The following WNT9B variants were observed in gnomAD, a reference collection of about 807,000 sequenced individuals.
The protein encoded by WNT9B is Wnt family member 9B.
WNT9B carries 12 observed loss-of-function variants against 30.2 expected under a neutral mutation model. The observed-to-expected ratio is 0.40, with a 90% confidence interval of 0.26 to 0.64. The LOEUF (loss-of-function observed/expected upper bound fraction) is 0.64, where lower values mean the gene tolerates loss of function less well. Among genes scored for constraint, WNT9B ranks in the 30% least tolerant of loss-of-function variants. WNT9B has a pLI of 0.42. For synonymous variants in WNT9B, 218 were observed against 216.9 expected, an observed-to-expected ratio of 1.01 and a Z score of -0.05; for missense variants, 442 against 485.2, an observed-to-expected ratio of 0.91 and a Z score of 0.84.
intron 1 of WNT9B, among the ~76,000 whole-genome samples, chr17:46,861,569 C>G (rs1427730769): frequency 6.6e-6 from 1 of 152,194 alleles, no homozygotes; most frequent in African/African-American, 2.4e-5. Flanking sequence ...AGAGCAGAGA[C>G]TTATCCCCAT....
rs1014956983 is a variant in WNT9B, at chr17:46,877,568, G to T, written c.*850G>T. On this transcript the variant is annotated 3_prime_UTR_variant, in exon 4 of 4. Transcript: ENST00000290015. ...ACGGCCCCTCCCTGTGTTCCCTGCT[G>T]GCCAAAGGAATCTTCACTCCCAGCG... is the stretch of plus-strand genomic sequence containing the variant. Among the ~76,000 whole-genome samples the T allele has an allele frequency of 2.0e-5, 3 of 152,144 alleles. No individual in the cohort carries two copies. Among genetic ancestry groups the T allele is most frequent in the Non-Finnish European group, 4.4e-5 (3 of 68,028 alleles).
intron 1 of WNT9B, among the ~76,000 whole-genome samples, chr17:46,842,215 G>T (rs2084724199): frequency 6.6e-6 from 1 of 152,204 alleles, no homozygotes; most frequent in East Asian, 1.9e-4. Context: ...GTTTCTTCAG[G>T]CGCAAACTGG....
chr17:46,883,346 G>A (rs1296827099), downstream of WNT9B, among the ~76,000 whole-genome samples: 6 of 144,472 alleles, frequency 4.2e-5, no homozygotes, highest in Non-Finnish European at 6.0e-5. Context: ...GTGCAATGGC[G>A]CAATCTTGGC....
rs1319316889 is a variant in WNT9B, at chr17:46,878,118, G to T, written c.*1400G>T. Among the ~76,000 whole-genome samples the T allele has an allele frequency of 2.0e-5, 3 of 152,216 alleles. No individual in the cohort carries two copies. The highest frequency in any genetic ancestry group is 4.8e-5 in the African/African-American group (2 of 41,452). ...TTGTTCAGGATGAAGACCTTGCAGG[G>T]GTCCCCTTGCTGGAGGCATTGTACT... On this transcript the variant is annotated 3_prime_UTR_variant, in exon 4 of 4. Coordinates refer to ENST00000290015, the MANE Select transcript of WNT9B (RefSeq NM_003396.3).
Position 46,872,788 on chromosome 17 carries a change from TA to T in WNT9B, c.334+16del. On this transcript the variant is annotated intron_variant, in intron 2 of 3. Transcript: ENST00000290015. ...GCTCAAGAGAGGTGGGGAGGAGGGCTAGGGGACGGGGAGGGCTGGGGGAAGA... is the reference window on the plus strand; with the variant it reads ...GCTCAAGAGAGGTGGGGAGGAGGGCTGGGGACGGGGAGGGCTGGGGGAAGA... 1 of 1,537,388 alleles carries T rather than the reference TA, an allele frequency of 6.5e-7. No individual in the cohort carries two copies. Among genetic ancestry groups the T allele is most frequent in the Non-Finnish European group, 8.9e-7 (1 of 1,129,388 alleles).
intron 1 of WNT9B, among the ~76,000 whole-genome samples, chr17:46,866,486 G>T (rs555611719): frequency 6.6e-6 from 1 of 152,196 alleles, no homozygotes; most frequent in Non-Finnish European, 1.5e-5. Context: ...GTGTATTTGT[G>T]TGTGTAGGGG....
upstream of WNT9B, among the ~76,000 whole-genome samples, chr17:46,848,932 G>GCACACA (rs60793746): frequency 4.2e-4 from 61 of 146,280 alleles, no homozygotes; most frequent in East Asian, 3.5e-3. Flanking sequence ...GTGTGCACGT[G>GCACACA]CACACACACA....
chr17:46,837,131 T>C (rs971201822), intron 1 of WNT9B, among the ~76,000 whole-genome samples: 5 of 152,036 alleles, frequency 3.3e-5, no homozygotes, highest in South Asian at 2.1e-4. Flanking sequence ...TTAGTAGAGA[T>C]GGGGTTTCAC....
In WNT9B at chr17:46,872,724, T is replaced by C. The variant is rs1310073196; in HGVS notation, c.285T>C (p.His95=). The change falls in exon 2 of 4, where the codon CAT becomes CAC. Residue 95 remains histidine (H), a synonymous_variant. Coordinates refer to ENST00000290015, the MANE Select transcript of WNT9B (RefSeq NM_003396.3). The stretch of plus-strand genomic sequence containing the variant: ...TTGAGTGCCAGTTTCAGTTCCGGCA[T>C]GAGCGCTGGAACTGTAGCCTGGAGG... ...GLLECQFQFR[H]ERWNCSLEGR... is the part of the protein sequence containing the mutation. 9.9e-6 allele frequency: 16 copies of C among 1,610,714 alleles called. No homozygotes were observed. Among genetic ancestry groups the C allele is most frequent in the Non-Finnish European group, 1.4e-5 (16 of 1,179,492 alleles).
Position 46,876,591 on chromosome 17 carries a change from G to T in WNT9B, c.947G>T (p.Cys316Phe). 1 of 1,613,322 alleles carries T rather than the reference G, an allele frequency of 6.2e-7. No homozygotes were observed. The highest frequency in any genetic ancestry group is 8.5e-7 in the Non-Finnish European group (1 of 1,179,782). ...SREASCSSLC[C>F]GRGYDTQSRL... Reference sequence around the variant, plus strand: ...GAGGCCAGCTGCAGCAGCCTGTGCTGCGGGCGGGGCTATGACACCCAGAGC... The same window carrying T: ...GAGGCCAGCTGCAGCAGCCTGTGCTTCGGGCGGGGCTATGACACCCAGAGC... Residue 316 changes from cysteine (C) to phenylalanine (F), a missense_variant, in exon 4 of 4, where the codon TGC (cysteine) becomes TTC (phenylalanine). Cys to Phe is a radical substitution (Grantham distance 205). Transcript: ENST00000290015.
chr17:46,860,595 A>G (rs146995955), intron 1 of WNT9B, among the ~76,000 whole-genome samples: 44 of 152,350 alleles, frequency 2.9e-4, no homozygotes, highest in African/African-American at 5.8e-4. Context: ...AGTTAAATGA[A>G]TGTATATATA....
intron 1 of WNT9B, among the ~76,000 whole-genome samples, chr17:46,860,744 C>G (rs1161666714): frequency 6.6e-6 from 1 of 152,220 alleles, no homozygotes; most frequent in Admixed American, 6.5e-5. Flanking sequence ...CTGTACAATT[C>G]AGAACAAACC....
chr17:46,854,031 C>T (rs999319915), intron 1 of WNT9B, among the ~76,000 whole-genome samples: 10 of 152,156 alleles, frequency 6.6e-5, no homozygotes, highest in Non-Finnish European at 1.5e-4. Flanking sequence ...TCGGAGCCAC[C>T]TCTTCCAGGT....
At chr17:46,838,318 G>A (rs1451060392) in intron 1 of WNT9B, among the ~76,000 whole-genome samples, 2 of 145,250 alleles carry the variant, frequency 1.4e-5, no homozygotes, top group African/African-American at 2.7e-5. Flanking sequence ...AACGGGGCCT[G>A]CCTTAAAAAA....
Position 46,854,315 on chromosome 17 carries a change from G to A in WNT9B, c.77+2600G>A, listed in dbSNP as rs1052253135. Reference sequence around the variant, plus strand: ...CTGTAGTGGGAAAGTGAGGCAAAGCGCTTCTTCCTCCGCAGTCATTTGCAT... The same window carrying A: ...CTGTAGTGGGAAAGTGAGGCAAAGCACTTCTTCCTCCGCAGTCATTTGCAT... On this transcript the variant is annotated intron_variant, in intron 1 of 3. Coordinates refer to ENST00000290015, the MANE Select transcript of WNT9B (RefSeq NM_003396.3). Among the ~76,000 whole-genome samples the A allele has an allele frequency of 4.6e-5, 7 of 152,202 alleles. 1 individual carries two copies. The South Asian group carries it at 6.2e-4, about 14-fold the overall frequency.
chr17:46,862,571 T>A, intron 1 of WNT9B, among the ~76,000 whole-genome samples: 1 of 151,890 alleles, frequency 6.6e-6, no homozygotes, highest in South Asian at 2.1e-4. Flanking sequence ...GCAAGCTGAG[T>A]TTTTTTTGTT....
intron 1 of WNT9B, among the ~76,000 whole-genome samples, chr17:46,865,542 T>A (rs776490298): frequency 2.0e-5 from 3 of 151,514 alleles, no homozygotes; most frequent in African/African-American, 7.3e-5. Flanking sequence ...GGAGTAGGGG[T>A]TGGGGAGCCA....
At chr17:46,855,979 A>G (rs928399897) in intron 1 of WNT9B, among the ~76,000 whole-genome samples, 12 of 152,224 alleles carry the variant, frequency 7.9e-5, no homozygotes, top group African/African-American at 2.7e-4. Flanking sequence ...GTGTGCCACC[A>G]TGCCCGGCCC....
chr17:46,851,368 C>T (rs1456185247), upstream of WNT9B, among the ~76,000 whole-genome samples: 1 of 150,726 alleles, frequency 6.6e-6, no homozygotes, highest in African/African-American at 2.4e-5. This position sits in a 1 kb window ranked among gnomAD's most constrained non-coding sequence, Gnocchi z 4.3. Flanking sequence ...GCCAGGTGAG[C>T]GCTCACCTGG....
Sources: allele counts gnomAD v4.1 joint callset (sites outside exome capture counted in the v4.1 genomes callset), GRCh38; gene constraint gnomAD v4.1.1; non-coding constraint Gnocchi (gnomAD v3.1); transcripts MANE v1.5; gene names NCBI Gene and HGNC (gene_info 2026-07-23, HGNC 2026-07-21).